The following ARHGEF12 variants were observed in gnomAD, a reference collection of about 807,000 sequenced individuals.
ARHGEF12 encodes KMT2A/ARHGEF12 fusion protein.
A neutral mutation model predicts 211.2 loss-of-function variants in ARHGEF12; 66 were observed. That is an observed-to-expected ratio of 0.31 (90% CI 0.26 to 0.38). The LOEUF (loss-of-function observed/expected upper bound fraction) is 0.38, where lower values mean the gene tolerates loss of function less well. ARHGEF12 is among the 10% of genes least tolerant of loss of function. ARHGEF12 has a pLI of 1.00. For synonymous variants in ARHGEF12, 592 were observed against 638.4 expected (o/e 0.93, Z 1.09); for missense variants, 1,429 against 1,869.5 (o/e 0.76, Z 4.34).
At chr11:120,376,117 T>C (rs1404214340) in intron 1 of ARHGEF12, among the ~76,000 whole-genome samples, 2 of 152,160 alleles carry the variant, frequency 1.3e-5, no homozygotes, top group Non-Finnish European at 2.9e-5. Context: ...AGTATTGGAA[T>C]GTTCTGGTAG....
At chr11:120,441,645 C>G in intron 13 of ARHGEF12, 62 bp from the exon 14 acceptor site, 2 of 1,328,186 alleles carry the variant, frequency 1.5e-6, no homozygotes, top group Admixed American at 3.6e-5. Context: ...TTCAATTGAG[C>G]CTACTTTGCA....
intron 39 of ARHGEF12, among the ~76,000 whole-genome samples, chr11:120,482,104 G>C (rs191761786): frequency 9.8e-5 from 15 of 152,322 alleles, no homozygotes; most frequent in Admixed American, 2.0e-4. Context: ...AAAAGTTGCA[G>C]CTCTGTGAAC....
At chr11:120,351,502 T>A (rs12787285) in intron 1 of ARHGEF12, among the ~76,000 whole-genome samples, 1 of 109,364 alleles carries the variant, frequency 9.1e-6, no homozygotes. Context: ...CTCGCTCTGT[T>A]GCCCAGGCTG....
intron 29 of ARHGEF12, 40 bp from the exon 30 acceptor site, chr11:120,469,248 C>T (rs1254308963): frequency 1.4e-6 from 2 of 1,477,420 alleles, no homozygotes; most frequent in Middle Eastern, 1.7e-4. Flanking sequence ...TGGTTTTTTG[C>T]TCAGTTCTTT....
intron 19 of ARHGEF12, 87 bp from the exon 20 acceptor site, chr11:120,448,147 T>A (rs1946099778): frequency 9.9e-7 from 1 of 1,014,400 alleles, no homozygotes; most frequent in African/African-American, 1.6e-5. Context: ...AATTCCAACC[T>A]TGGGGTTTTG....
In ARHGEF12 at chr11:120,484,455, C is replaced by T. The variant is rs762618049; in HGVS notation, c.4572C>T (p.Tyr1524=). The part of the protein sequence containing the change: ...LEHLKKVEES[Y]TILCQRLAGS... ...TTTCACAGAAGGTGGAGGAAAGTTA[C>T]ACCATTCTTTGCCAAAGGCTGGCTG... Residue 1524 remains tyrosine (Y), a synonymous_variant, in exon 40 of 41, where the codon TAC becomes TAT. Coordinates refer to ENST00000397843, the MANE Select transcript of ARHGEF12 (RefSeq NM_015313.3). The T allele has an allele frequency of 6.2e-7, 1 of 1,614,032 alleles. No individual in the cohort carries two copies. Among genetic ancestry groups the T allele is most frequent in the Admixed American group, 1.7e-5 (1 of 59,996 alleles).
chr11:120,340,101 G>T (rs552438893), intron 1 of ARHGEF12, among the ~76,000 whole-genome samples: 2 of 152,210 alleles, frequency 1.3e-5, no homozygotes, highest in Non-Finnish European at 2.9e-5. Context: ...CTTGACAAGT[G>T]TAGAAATGTC....
intron 1 of ARHGEF12, among the ~76,000 whole-genome samples, chr11:120,393,430 A>G (rs1944281560): frequency 6.6e-6 from 1 of 152,176 alleles, no homozygotes. Context: ...ATGCTACAAG[A>G]AACACACCTT....
rs1020931544 is a variant in ARHGEF12, at chr11:120,472,933, G to T, written c.2956-117G>T. ...GCCTCCCAAAGTGCTGAGATTACAG[G>T]TGTGAGCCACCACGCCTGGCCAAAA... is the stretch of plus-strand genomic sequence containing the variant. On this transcript the variant is annotated intron_variant, in intron 30 of 40. Coordinates refer to ENST00000397843, the MANE Select transcript of ARHGEF12 (RefSeq NM_015313.3). 2.5e-5 allele frequency: 21 copies of T among 828,816 alleles called. No individual in the cohort carries two copies. In the African/African-American group the frequency reaches 3.0e-4, roughly 12 times the overall value. The allele number at this position is 828,816 out of a possible 1,614,324, so 51.3% of individuals were successfully genotyped here. A position where few individuals can be genotyped will look rare whatever the true frequency, so the allele number is the denominator to read the frequency against.
At chr11:120,388,223 T>A (rs962593545) in intron 1 of ARHGEF12, among the ~76,000 whole-genome samples, 3 of 152,118 alleles carry the variant, frequency 2.0e-5, no homozygotes, top group Non-Finnish European at 4.4e-5. Flanking sequence ...TGAACTCACA[T>A]AGTTTGTGCT....
At position 120,453,561 on chromosome 11, in the gene ARHGEF12, TGAA is replaced by T. The variant is rs141003811; in HGVS notation, c.2056+1842_2056+1844del. On this transcript the variant is annotated intron_variant, in intron 22 of 40. Transcript: ENST00000397843. ...ATGAAAAGACTGTCTCTACAAAAAA[TGAA>T]GAAGTCAGCCAGTCATATGGCATGT... Among the ~76,000 whole-genome samples the T allele has an allele frequency of 2.6e-3, 400 of 152,066 alleles. 2 individuals carry two copies. Among genetic ancestry groups the T allele is most frequent in the Middle Eastern group, 6.8e-3 (2 of 294 alleles).
intron 4 of ARHGEF12, among the ~76,000 whole-genome samples, chr11:120,414,158 A>T (rs1944962475): frequency 1.3e-5 from 2 of 152,168 alleles, no homozygotes; most frequent in South Asian, 4.1e-4. Flanking sequence ...TATTTATGTA[A>T]ATTTGATATA....
intron 36 of ARHGEF12, 40 bp from the exon 37 acceptor site, chr11:120,478,116 T>C (rs1265721687): frequency 7.1e-7 from 1 of 1,400,432 alleles, no homozygotes; most frequent in East Asian, 2.3e-5. Context: ...GTTAAAAGCT[T>C]TGTTTAGATA....
chr11:120,442,762 A>C (rs914568883), intron 15 of ARHGEF12, among the ~76,000 whole-genome samples: 1 of 152,084 alleles, frequency 6.6e-6, no homozygotes, highest in Non-Finnish European at 1.5e-5. Flanking sequence ...CTAGCCCTTA[A>C]TGCATACTGG....
At position 120,406,097 on chromosome 11, in the gene ARHGEF12, CT is replaced by C; in HGVS notation, c.33-19del. The C allele has an allele frequency of 6.6e-7, 1 of 1,524,244 alleles. No individual in the cohort carries two copies. The highest frequency in any genetic ancestry group is 8.8e-7 in the Non-Finnish European group (1 of 1,131,124). The allele number at this position is 1,524,244 out of a possible 1,614,324, so 94.4% of individuals were successfully genotyped here. On this transcript the variant is annotated intron_variant, in intron 1 of 40. Transcript: ENST00000397843. The stretch of plus-strand genomic sequence containing the variant: ...TACAAGTAAAGTAACTACATCTATC[CT>C]TATTTTTTCTTTGTTTCAGGTTTCC...
chr11:120,476,734 T>A lies in ARHGEF12; in HGVS notation c.3351T>A (p.Val1117=). 6.2e-7 allele frequency: 1 copy of A among 1,612,408 alleles called. No homozygotes were observed. Among genetic ancestry groups the A allele is most frequent in the Non-Finnish European group, 8.5e-7 (1 of 1,178,954 alleles). Residue 1117 remains valine, a synonymous_variant, in exon 34 of 41, where the codon GTT becomes GTA. Transcript: ENST00000397843. The part of the protein sequence containing the change: ...AQIYELVAQT[V]SEKTVWQDLI... ...TTTATGAACTGGTGGCACAGACAGT[T>A]TCTGAAAAGACTGTGTATGTATCAG...
rs537181709 is a variant in ARHGEF12 at position 120,419,117 on chromosome 11, G to A, written c.200-1636G>A. On this transcript the variant is annotated intron_variant, in intron 4 of 40. Transcript: ENST00000397843. ...TGGGACTACAGGCACCCGCCACCAC[G>A]TTCGGCTAATTTTTTTGTATTTTTA... 7.2e-5 allele frequency among the ~76,000 whole-genome samples: 11 copies of A among 151,782 alleles called. No homozygotes were observed. The South Asian group carries it at 2.3e-3, about 32-fold the overall frequency.
chr11:120,406,619 C>CG (rs1944711797), intron 2 of ARHGEF12, among the ~76,000 whole-genome samples: 1 of 152,004 alleles, frequency 6.6e-6, no homozygotes, highest in South Asian at 2.1e-4. Flanking sequence ...AGTGCAGTGG[C>CG]GCGATCTCAG....
At position 120,481,266 on chromosome 11, in the gene ARHGEF12, A is replaced by T; in HGVS notation, c.4244A>T (p.Tyr1415Phe). 1 of 1,613,944 alleles carries T rather than the reference A, an allele frequency of 6.2e-7. No homozygotes were observed. The highest frequency in any genetic ancestry group is 8.5e-7 in the Non-Finnish European group (1 of 1,179,836). ...KDVNLRISGNYLILDGYDPVQ... is the reference protein window; with the variant it reads ...KDVNLRISGNFLILDGYDPVQ... Reference sequence around the variant, plus strand: ...ATTCTGTCTCTATCCATAGGAAACTATTTGATCCTTGATGGCTATGACCCA... The same window carrying T: ...ATTCTGTCTCTATCCATAGGAAACTTTTTGATCCTTGATGGCTATGACCCA... Residue 1415 changes from tyrosine to phenylalanine, a missense_variant, in exon 39 of 41, where the codon TAT (tyrosine) becomes TTT (phenylalanine). This residue lies in a region of ARHGEF12 where 467 missense variants were observed against 468.4 expected (regional missense o/e 1.00). Coordinates refer to ENST00000397843, the MANE Select transcript of ARHGEF12 (RefSeq NM_015313.3).
Sources: allele counts gnomAD v4.1 joint callset (sites outside exome capture counted in the v4.1 genomes callset), GRCh38; gene constraint gnomAD v4.1.1; regional missense constraint gnomAD v4.1.1; transcripts MANE v1.5; gene names NCBI Gene and HGNC (gene_info 2026-07-23, HGNC 2026-07-21).